Variants in FARS2 observed in about 807,000 individuals in gnomAD.
The protein encoded by FARS2 is phenylalanine--tRNA ligase, mitochondrial.
FARS2 carries 40 observed loss-of-function variants against 46.4 expected under a neutral mutation model. The observed-to-expected ratio is 0.86, with a 90% confidence interval of 0.67 to 1.12. FARS2 has a LOEUF of 1.12. Ranked by LOEUF, FARS2 falls within the 50% of genes most tolerant of loss-of-function variation. The pLI, the probability that FARS2 is intolerant of heterozygous loss-of-function variation, is 0.00. For missense variants in FARS2, 513 were observed against 567.9 expected, an observed-to-expected ratio of 0.90 and a Z score of 0.98; for synonymous variants, 234 against 214.9, an observed-to-expected ratio of 1.09 and a Z score of -0.78.
At chr6:5,577,707 A>G (rs1478076943) in intron 5 of FARS2, among the ~76,000 whole-genome samples, 2 of 152,220 alleles carry the variant, frequency 1.3e-5, no homozygotes, top group African/African-American at 4.8e-5. Context: ...ATAGATCCGG[A>G]AAGTGGGATA....
chr6:5,453,286 TAA>T (rs1378667723), intron 4 of FARS2, among the ~76,000 whole-genome samples: 1 of 152,040 alleles, frequency 6.6e-6, no homozygotes, highest in Non-Finnish European at 1.5e-5. Context: ...AAAGCTAGGG[TAA>T]GTTTGCACGA....
intron 1 of FARS2, among the ~76,000 whole-genome samples, chr6:5,279,238 A>G (rs1165486280): frequency 6.6e-6 from 1 of 151,830 alleles, no homozygotes; most frequent in East Asian, 1.9e-4. Flanking sequence ...TTAGCCGGGC[A>G]TGGTGGCATG....
intron 4 of FARS2, among the ~76,000 whole-genome samples, chr6:5,531,362 A>G (rs889297340): frequency 6.6e-6 from 1 of 152,188 alleles, no homozygotes; most frequent in Non-Finnish European, 1.5e-5. Context: ...GAATTGCTTC[A>G]TGCACTGCTC....
intron 6 of FARS2, among the ~76,000 whole-genome samples, chr6:5,682,500 G>A (rs1178047418): frequency 4.6e-5 from 7 of 152,308 alleles, no homozygotes; most frequent in East Asian, 3.9e-4. Context: ...GGCTCTATCC[G>A]AAGGGAACAC....
intron 6 of FARS2, among the ~76,000 whole-genome samples, chr6:5,699,353 A>G (rs535759058): frequency 1.3e-5 from 2 of 152,190 alleles, no homozygotes; most frequent in Non-Finnish European, 2.9e-5. Flanking sequence ...TCACACAGAA[A>G]TGTTTGGAGG....
intron 1 of FARS2, among the ~76,000 whole-genome samples, chr6:5,363,339 T>C (rs769766570): frequency 7.9e-5 from 12 of 152,200 alleles, no homozygotes; most frequent in Non-Finnish European, 1.5e-4. Context: ...CTTTTTCCCA[T>C]TCTGTGAGTT....
At chr6:5,274,247 G>C (rs1766171596) in intron 1 of FARS2, among the ~76,000 whole-genome samples, 1 of 152,198 alleles carries the variant, frequency 6.6e-6, no homozygotes, top group African/African-American at 2.4e-5. Context: ...CCGGCCATTA[G>C]AACCCTGATT....
Position 5,745,581 on chromosome 6 carries a change from C to T in FARS2, c.1218-25710C>T, listed in dbSNP as rs59481740. Among the ~76,000 whole-genome samples, 189 of 152,284 alleles carry T rather than the reference C, an allele frequency of 1.2e-3. 1 individual carries two copies. The highest frequency in any genetic ancestry group is 4.4e-3 in the African/African-American group (182 of 41,560). ...TGAGACAGGGTCTCACTCTGTCACC[C>T]AGGCTGGAGTGCCACTGCATGATCT... On this transcript the variant is annotated intron_variant, in intron 6 of 6. Coordinates refer to ENST00000274680, the MANE Select transcript of FARS2 (RefSeq NM_006567.5).
At chr6:5,675,199 GACACACACACACACACACACAC>G (rs3057239) in intron 6 of FARS2, among the ~76,000 whole-genome samples, 1 of 144,954 alleles carries the variant, frequency 6.9e-6, no homozygotes, top group African/African-American at 2.6e-5. Context: ...TTTGCAGATA[GACACACACACACACACACACAC>G]ACACACACAC....
chr6:5,679,834 C>T (rs901238070), intron 6 of FARS2, among the ~76,000 whole-genome samples: 21 of 151,270 alleles, frequency 1.4e-4, no homozygotes, highest in African/African-American at 5.1e-4. Context: ...CTCAGAGGAA[C>T]CCTCACTTCC....
chr6:5,553,609 A>G (rs1249203682), intron 5 of FARS2, among the ~76,000 whole-genome samples: 1 of 152,148 alleles, frequency 6.6e-6, no homozygotes. Context: ...TTTTTTTAAC[A>G]AATCTAAAAA....
At position 5,546,275 on chromosome 6, in the gene FARS2, T is replaced by A. The variant is rs963683790; in HGVS notation, c.1065+935T>A. Among the ~76,000 whole-genome samples the A allele has an allele frequency of 1.9e-4, 22 of 115,926 alleles. 1 individual carries two copies. The South Asian group carries it at 2.1e-3, about 11-fold the overall frequency. 76.1% of individuals were successfully genotyped at this position (115,926 alleles called of 152,430 possible). A position where few individuals can be genotyped will look rare whatever the true frequency, so the allele number is the denominator to read the frequency against. On this transcript the variant is annotated intron_variant, in intron 5 of 6. Coordinates refer to ENST00000274680, the MANE Select transcript of FARS2 (RefSeq NM_006567.5). ...TTGTACTTTTTTTTTTTTTTTTTTT[T>A]AGACAGAATCTCACTCTGTCGCCTG...
chr6:5,683,968 G>A (rs548031385), intron 6 of FARS2, among the ~76,000 whole-genome samples: 15 of 152,178 alleles, frequency 9.9e-5, no homozygotes, highest in Non-Finnish European at 2.2e-4. Flanking sequence ...TTTTATGGCT[G>A]CATAGTATTC....
At chr6:5,271,064 A>C (rs1038589196) in intron 1 of FARS2, among the ~76,000 whole-genome samples, 1 of 152,204 alleles carries the variant, frequency 6.6e-6, no homozygotes, top group African/African-American at 2.4e-5. Context: ...AAACAAACCT[A>C]GTGGCTTTAT....
intron 1 of FARS2, among the ~76,000 whole-genome samples, chr6:5,293,697 T>C (rs1767657147): frequency 6.6e-6 from 1 of 152,202 alleles, no homozygotes; most frequent in Non-Finnish European, 1.5e-5. Flanking sequence ...TTTGTTGTCG[T>C]TGTTCATCAA....
chr6:5,469,191 C>T (rs1192260568), intron 4 of FARS2, among the ~76,000 whole-genome samples: 1 of 152,186 alleles, frequency 6.6e-6, no homozygotes, highest in African/African-American at 2.4e-5. Flanking sequence ...CACAGTCAGC[C>T]TCCCAGCTCG....
At chr6:5,748,373 G>T (rs1761757317) in intron 6 of FARS2, among the ~76,000 whole-genome samples, 1 of 152,200 alleles carries the variant, frequency 6.6e-6, no homozygotes, top group Non-Finnish European at 1.5e-5. Flanking sequence ...CAACCTCAAT[G>T]CAGAAAATGT....
At position 5,504,908 on chromosome 6, in the gene FARS2, C is replaced by G. The variant is rs551484507; in HGVS notation, c.905-40272C>G. On this transcript the variant is annotated intron_variant, in intron 4 of 6. Transcript: ENST00000274680. ...TGGCACAATCTCGGCTCACTGCAGT[C>G]TTTGCCACCTCAGTCTCCCAAGTAG... 1.8e-4 allele frequency among the ~76,000 whole-genome samples: 27 copies of G among 152,222 alleles called. No homozygotes were observed. The East Asian group carries it at 5.2e-3, about 29-fold the overall frequency.
chr6:5,684,802 C>T (rs1267747677), intron 6 of FARS2, among the ~76,000 whole-genome samples: 1 of 152,052 alleles, frequency 6.6e-6, no homozygotes, highest in Non-Finnish European at 1.5e-5. Context: ...CTAACAGGAG[C>T]CGAATTCTAT....
Sources: allele counts gnomAD v4.1 joint callset (sites outside exome capture counted in the v4.1 genomes callset), GRCh38; gene constraint gnomAD v4.1.1; transcripts MANE v1.5; gene names NCBI Gene and HGNC (gene_info 2026-07-23, HGNC 2026-07-21).